The following METTL6 variants were observed in gnomAD, a reference collection of about 807,000 sequenced individuals.
METTL6 encodes tRNA N(3)-cytidine methyltransferase METTL6.
A neutral mutation model predicts 26.4 loss-of-function variants in METTL6; 22 were observed. The observed-to-expected ratio is 0.83, with a 90% confidence interval of 0.59 to 1.19. The LOEUF is 1.19. Ranked by LOEUF, METTL6 falls within the 50% of genes most tolerant of loss-of-function variation. The pLI is 0.00. For synonymous variants in METTL6, 109 were observed against 116.2 expected (o/e 0.94, Z 0.40); for missense variants, 304 against 324.8 (o/e 0.94, Z 0.49).
intron 5 of METTL6, chr3:15,413,530 C>A (rs749534968): frequency 3.3e-5 from 23 of 692,172 alleles, no homozygotes; most frequent in Middle Eastern, 1.3e-3. Context: ...CAAGATCACA[C>A]CACTGCACTC....
At chr3:15,401,410 C>G (rs114417745) in intron 6 of METTL6, among the ~76,000 whole-genome samples, 3,327 of 151,414 alleles carry the variant, frequency 0.022, 108 homozygotes, top group African/African-American at 0.075. Context: ...CTGGGCTCAG[C>G]TGATCCACCC....
chr3:15,406,624 ATAT>A (rs1699804972), downstream of METTL6, among the ~76,000 whole-genome samples: 1 of 99,468 alleles, frequency 1.0e-5, no homozygotes, highest in African/African-American at 4.5e-5. Context: ...ATATATATAT[ATAT>A]ATAGAGAGAG....
chr3:15,389,162 T>G (rs1032188819), intron 6 of METTL6, among the ~76,000 whole-genome samples: 1 of 152,032 alleles, frequency 6.6e-6, no homozygotes, highest in African/African-American at 2.4e-5. Context: ...GGCCTTTTTT[T>G]TTTTTCTAAG....
At chr3:15,414,451 G>A (rs753364337) in intron 4 of METTL6, 25 of 669,738 alleles carry the variant, frequency 3.7e-5, no homozygotes, top group Admixed American at 9.9e-5. Context: ...CGTCTCCCAC[G>A]TTCAAGTGAT....
intron 6 of METTL6, among the ~76,000 whole-genome samples, chr3:15,391,279 T>C (rs1699337473): frequency 6.6e-6 from 1 of 152,228 alleles, no homozygotes; most frequent in African/African-American, 2.4e-5. Flanking sequence ...ATGGGGCTCC[T>C]GTTTTCACTT....
In METTL6 at chr3:15,415,796, G is replaced by T; in HGVS notation, c.507C>A (p.His169Gln). ...VLSAVHPDKM[H>Q]LVLQNIYKVL... ...CCTTGTAAATGTTTTGTAAGACAAG[G>T]TGCATCTTATCAGGATGAACAGCTG... is the stretch of plus-strand genomic sequence containing the variant. The change falls in exon 4 of 6, where the codon CAC becomes CAA. Residue 169 changes from histidine to glutamine, a missense_variant. Coordinates refer to ENST00000383790, the MANE Select transcript of METTL6 (RefSeq NM_152396.4). 6.2e-7 allele frequency: 1 copy of T among 1,614,010 alleles called. No individual in the cohort carries two copies. Among genetic ancestry groups the T allele is most frequent in the South Asian group, 1.1e-5 (1 of 91,030 alleles).
chr3:15,416,613 G>A lies in METTL6; in HGVS notation c.361-671C>T, dbSNP rs777044001. Reference sequence around the variant, plus strand: ...TCTGCTTAAAGCCTAAACCCTATGAGAAGCCCTTCTAATTCCCCTTGATGA... The same window carrying A: ...TCTGCTTAAAGCCTAAACCCTATGAAAAGCCCTTCTAATTCCCCTTGATGA... On this transcript the variant is annotated intron_variant, in intron 3 of 5. Coordinates refer to ENST00000383790, the MANE Select transcript of METTL6 (RefSeq NM_152396.4). 1.1e-4 allele frequency among the ~76,000 whole-genome samples: 17 copies of A among 152,190 alleles called. No homozygotes were observed. In the East Asian group the frequency reaches 1.7e-3, roughly 16 times the overall value.
exon 7 of METTL6, chr3:15,382,596 G>A (rs1049412487): frequency 6.7e-6 from 1 of 149,724 alleles, no homozygotes; most frequent in African/African-American, 2.5e-5. Flanking sequence ...GGCCTGGGAG[G>A]CAGAGGTTGC....
Position 15,424,937 on chromosome 3 carries a change from C to T in METTL6, c.360+18G>A, listed in dbSNP as rs533460475. On this transcript the variant is annotated intron_variant, in intron 3 of 5. Transcript: ENST00000383790. The stretch of plus-strand genomic sequence containing the variant: ...AAGAAAACAGAAACACAGCAGAATA[C>T]ATAGATGGTGCACCAACCTTAACAT... 1.9e-5 allele frequency: 30 copies of T among 1,613,810 alleles called. 1 individual carries two copies. The Middle Eastern group carries it at 6.6e-4, about 35-fold the overall frequency.
At chr3:15,398,490 G>A (rs1699552269) in intron 6 of METTL6, among the ~76,000 whole-genome samples, 1 of 152,176 alleles carries the variant, frequency 6.6e-6, no homozygotes, top group South Asian at 2.1e-4. Flanking sequence ...CACTGCAGCT[G>A]GCCCAATGCT....
intron 3 of METTL6, among the ~76,000 whole-genome samples, chr3:15,422,113 C>G (rs1040417594): frequency 2.6e-5 from 4 of 151,570 alleles, no homozygotes; most frequent in Non-Finnish European, 5.9e-5. Context: ...ATCTCTTGAG[C>G]CCAGGAGTTT....
At chr3:15,418,894 A>G (rs934039287) in intron 3 of METTL6, among the ~76,000 whole-genome samples, 1 of 152,030 alleles carries the variant, frequency 6.6e-6, no homozygotes, top group African/African-American at 2.4e-5. Flanking sequence ...GGAGTAAAGG[A>G]CTCCTAAACA....
intron 6 of METTL6, among the ~76,000 whole-genome samples, chr3:15,404,457 C>T (rs1382802537): frequency 1.3e-5 from 2 of 152,020 alleles, no homozygotes; most frequent in African/African-American, 4.8e-5. Context: ...ATTCATCTGC[C>T]TCAGCCTCCC....
At chr3:15,394,688 G>C (rs552958050) in intron 6 of METTL6, among the ~76,000 whole-genome samples, 1 of 152,286 alleles carries the variant, frequency 6.6e-6, no homozygotes, top group East Asian at 1.9e-4. Context: ...AGAGATTCTG[G>C]TATGTTGTGT....
At chr3:15,391,845 T>C (rs1365120652) in intron 6 of METTL6, among the ~76,000 whole-genome samples, 1 of 152,170 alleles carries the variant, frequency 6.6e-6, no homozygotes, top group East Asian at 1.9e-4. Flanking sequence ...TTTTTATGGC[T>C]GCATAGTATT....
At chr3:15,423,812 G>C (rs1575438973) in intron 3 of METTL6, among the ~76,000 whole-genome samples, 1 of 152,144 alleles carries the variant, frequency 6.6e-6, no homozygotes, top group Non-Finnish European at 1.5e-5. Context: ...TGAGCCAGGG[G>C]GGTCAAGGCT....
chr3:15,426,213 A>G (rs2061718359), intron 2 of METTL6, 74 bp downstream of exon 2: 11 of 1,438,212 alleles, frequency 7.6e-6, no homozygotes, highest in African/African-American at 5.6e-5. Context: ...TACTGGGATT[A>G]CAGGCATGAG....
intron 6 of METTL6, among the ~76,000 whole-genome samples, chr3:15,400,683 T>C (rs764204132): frequency 7.9e-5 from 12 of 152,116 alleles, no homozygotes; most frequent in African/African-American, 2.9e-4. Flanking sequence ...TTTTTGGTAA[T>C]GTAAAAGTAA....
downstream of METTL6, among the ~76,000 whole-genome samples, chr3:15,405,874 A>T (rs545721744): frequency 6.6e-6 from 1 of 152,308 alleles, no homozygotes; most frequent in South Asian, 2.1e-4. Context: ...TCAGTCTTAG[A>T]CATGTGGAGT....
Sources: allele counts gnomAD v4.1 joint callset (sites outside exome capture counted in the v4.1 genomes callset), GRCh38; gene constraint gnomAD v4.1.1; transcripts MANE v1.5; gene names NCBI Gene and HGNC (gene_info 2026-07-23, HGNC 2026-07-21).